The following CAMTA1 variants were observed in gnomAD, a reference collection of about 807,000 sequenced individuals.
CAMTA1 encodes calmodulin binding transcription activator 1.
A neutral mutation model predicts 170.9 loss-of-function variants in CAMTA1; 27 were observed. The observed-to-expected ratio is 0.16, with a 90% CI of 0.12 to 0.22. CAMTA1 has a LOEUF of 0.22. Ranked by LOEUF, CAMTA1 falls within the 10% of genes least tolerant of loss-of-function variation. The pLI, the probability that CAMTA1 is intolerant of heterozygous loss-of-function variation, is 1.00. For missense variants in CAMTA1, 1,619 were observed against 2,217.2 expected (o/e 0.73, Z 5.42); for synonymous variants, 833 against 891.5 (o/e 0.93, Z 1.17).
chr1:7,498,799 G>A (rs1338762455), intron 6 of CAMTA1, among the ~76,000 whole-genome samples: 1 of 148,184 alleles, frequency 6.7e-6, no homozygotes, highest in African/African-American at 2.5e-5. Context: ...GTGTGTGCAT[G>A]TGTGTACATG....
At position 6,887,509 on chromosome 1, in the gene CAMTA1, T is replaced by C; in HGVS notation, c.234+62299T>C. 1.7e-6 allele frequency: 2 copies of C among 1,210,176 alleles called. No homozygotes were observed. The highest frequency in any genetic ancestry group is 2.3e-6 in the Non-Finnish European group (2 of 888,376). 75.0% of individuals were successfully genotyped at this position (1,210,176 alleles called of 1,614,324 possible). ...ACATACCTGTTCATCTGTATACGTA[T>C]GTGTGTGTTTAATATATACTTTAGT... On this transcript the variant is annotated intron_variant, in intron 3 of 22. Transcript: ENST00000303635. The surrounding 1 kb of genome is among the most constrained non-coding windows in gnomAD (Gnocchi z 4.1).
At chr1:6,788,423 T>C (rs1640051986) in intron 1 of CAMTA1, among the ~76,000 whole-genome samples, 1 of 152,196 alleles carries the variant, frequency 6.6e-6, no homozygotes, top group Admixed American at 6.5e-5. Context: ...TTCTGGACTT[T>C]GCCTTTCAGT....
chr1:7,630,114 A>C (rs541406664), intron 6 of CAMTA1, among the ~76,000 whole-genome samples: 1 of 152,242 alleles, frequency 6.6e-6, no homozygotes, highest in South Asian at 2.1e-4. Context: ...CCGGGCCCCC[A>C]CGCATACGTG....
At chr1:7,543,485 CA>C (rs1192709941) in intron 6 of CAMTA1, among the ~76,000 whole-genome samples, 8 of 152,120 alleles carry the variant, frequency 5.3e-5, no homozygotes, top group African/African-American at 1.7e-4. Context: ...ACTTTGGAAA[CA>C]AAAGACCTCA....
chr1:6,861,010 G>T (rs940541482), intron 3 of CAMTA1, among the ~76,000 whole-genome samples: 1 of 149,846 alleles, frequency 6.7e-6, no homozygotes, highest in Non-Finnish European at 1.5e-5. Context: ...TGTCACCCAG[G>T]CTGGAGTGCA....
chr1:7,349,532 C>T (rs75463562), intron 5 of CAMTA1, among the ~76,000 whole-genome samples: 176 of 152,372 alleles, frequency 1.2e-3, no homozygotes, highest in African/African-American at 4.0e-3. Flanking sequence ...GGGCGACGTA[C>T]GCAGCAGCCT....
intron 4 of CAMTA1, among the ~76,000 whole-genome samples, chr1:7,118,091 A>G (rs1644437637): frequency 6.6e-6 from 1 of 152,072 alleles, no homozygotes; most frequent in Non-Finnish European, 1.5e-5. Flanking sequence ...TTTGGGTCTC[A>G]GAGCATCCGT....
At chr1:7,653,259 T>A (rs116638750) in intron 7 of CAMTA1, among the ~76,000 whole-genome samples, 2 of 152,058 alleles carry the variant, frequency 1.3e-5, no homozygotes, top group African/African-American at 4.8e-5. Flanking sequence ...ATTGTTATTA[T>A]TTTTTTCCCC....
chr1:6,880,072 T>C (rs182911422), intron 3 of CAMTA1, among the ~76,000 whole-genome samples: 1 of 151,750 alleles, frequency 6.6e-6, no homozygotes, highest in Non-Finnish European at 1.5e-5. Flanking sequence ...GGTTTTTTTT[T>C]AAATTTTATT....
At chr1:7,015,559 G>C (rs750669680) in intron 3 of CAMTA1, among the ~76,000 whole-genome samples, 4 of 152,128 alleles carry the variant, frequency 2.6e-5, no homozygotes, top group Non-Finnish European at 5.9e-5. Context: ...TTAAATTGAC[G>C]TTTTTGGGGC....
intron 22 of CAMTA1, among the ~76,000 whole-genome samples, chr1:7,760,843 T>C (rs1383377767): frequency 6.6e-6 from 1 of 152,222 alleles, no homozygotes; most frequent in East Asian, 1.9e-4. Context: ...ATTGCGAGAA[T>C]ATTCCCGCTG....
intron 4 of CAMTA1, among the ~76,000 whole-genome samples, chr1:7,241,685 G>C (rs1664881989): frequency 6.6e-6 from 1 of 152,186 alleles, no homozygotes; most frequent in African/African-American, 2.4e-5. Context: ...GCAATTCAGT[G>C]GAGTTGGGGG....
At chr1:7,688,193 C>G (rs905960822) in intron 11 of CAMTA1, among the ~76,000 whole-genome samples, 2 of 151,184 alleles carry the variant, frequency 1.3e-5, no homozygotes, top group African/African-American at 2.4e-5. Flanking sequence ...ATTTTTAGTA[C>G]AGAGTTTCAC....
intron 3 of CAMTA1, among the ~76,000 whole-genome samples, chr1:7,069,327 C>T (rs941464703): frequency 6.6e-6 from 1 of 152,300 alleles, no homozygotes; most frequent in South Asian, 2.1e-4. Context: ...AACTGACTTG[C>T]CCAGGGTCAC....
chr1:7,550,938 A>T (rs2094792926), intron 6 of CAMTA1, among the ~76,000 whole-genome samples: 1 of 151,828 alleles, frequency 6.6e-6, no homozygotes, highest in Non-Finnish European at 1.5e-5. Context: ...CCTCCCCACG[A>T]GGAATCTCCC....
rs2096896146 is a variant in CAMTA1 at position 7,751,383 on chromosome 1, A to G, written c.4874A>G (p.Gln1625Arg). Residue 1625 changes from glutamine to arginine, a missense_variant, in exon 20 of 23, where the codon CAG becomes CGG. Gln to Arg is a conservative substitution (Grantham distance 43). Transcript: ENST00000303635. ...QARRTAVIVQ[Q>R]KLRSSLLTKK... ...CGCCGGACGGCTGTGATTGTACAAC[A>G]GAAACTCAGGTGGGTGGAGAAGAGC... The G allele has an allele frequency of 1.9e-6, 3 of 1,592,984 alleles. No homozygotes were observed. Among genetic ancestry groups the G allele is most frequent in the Non-Finnish European group, 1.7e-6 (2 of 1,172,986 alleles).
chr1:7,434,178 G>A (rs2092273707), intron 5 of CAMTA1, among the ~76,000 whole-genome samples: 1 of 152,154 alleles, frequency 6.6e-6, no homozygotes, highest in Non-Finnish European at 1.5e-5. Context: ...GGAGGAGGCT[G>A]GCCCTCTGCT....
intron 7 of CAMTA1, among the ~76,000 whole-genome samples, chr1:7,646,993 C>T (rs540584306): frequency 8.3e-4 from 126 of 152,342 alleles, no homozygotes; most frequent in African/African-American, 2.9e-3. Context: ...CACACCGTTT[C>T]CAGTACCGGG....
At chr1:6,883,068 A>G (rs1672059898) in intron 3 of CAMTA1, among the ~76,000 whole-genome samples, 1 of 151,300 alleles carries the variant, frequency 6.6e-6, no homozygotes, top group South Asian at 2.1e-4. Flanking sequence ...CAATTTTTTT[A>G]TTTTTAGTAG....
Sources: gnomAD v4.1 joint callset for allele counts (sites outside exome capture counted in the v4.1 genomes callset) on GRCh38, gnomAD v4.1.1 for gene constraint, Gnocchi (gnomAD v3.1) non-coding constraint, MANE v1.5 for transcripts, NCBI Gene and HGNC (gene_info 2026-07-23, HGNC 2026-07-21) for gene names.